The following FLYWCH1 variants were observed in gnomAD, a reference collection of about 807,000 sequenced individuals.
FLYWCH1 encodes the protein FLYWCH-type zinc finger 1, also known as FLYWCH-type zinc finger-containing protein 1.
FLYWCH1 carries 75 observed loss-of-function variants against 66.4 expected under a neutral mutation model. The observed-to-expected ratio is 1.13, with a 90% CI of 0.94 to 1.37. FLYWCH1 has a LOEUF of 1.37. Among genes scored for constraint, FLYWCH1 ranks in the 40% most tolerant of loss-of-function variants. FLYWCH1 has a pLI of 0.00. For synonymous variants in FLYWCH1, 595 were observed against 429.9 expected (o/e 1.38, Z -4.75); for missense variants, 1,334 against 1,001.8 (o/e 1.33, Z -4.48).
intron 2 of FLYWCH1, among the ~76,000 whole-genome samples, chr16:2,917,541 C>A (rs9302805): frequency 0.86 from 130,936 of 151,846 alleles, 56,786 homozygotes; most frequent in Non-Finnish European, 0.9. Flanking sequence ...TAATGATTTT[C>A]TGTGACATTA....
intron 2 of FLYWCH1, among the ~76,000 whole-genome samples, chr16:2,917,083 A>C (rs979053411): frequency 8.7e-5 from 13 of 149,942 alleles, no homozygotes; most frequent in African/African-American, 2.7e-4. Flanking sequence ...TTGAAACCAG[A>C]AGGCAGAAGT....
At chr16:2,914,974 AG>A (rs1220196084) in intron 2 of FLYWCH1, among the ~76,000 whole-genome samples, 2 of 151,034 alleles carry the variant, frequency 1.3e-5, no homozygotes, top group African/African-American at 4.9e-5. Flanking sequence ...GAAACACATT[AG>A]GGCCCCTGTA....
chr16:2,934,549 C>T (rs924773013), intron 6 of FLYWCH1: 7 of 437,024 alleles, frequency 1.6e-5, no homozygotes, highest in Non-Finnish European at 2.3e-5. Context: ...GTCCCCATAG[C>T]GTCTGGCTGA....
intron 2 of FLYWCH1, among the ~76,000 whole-genome samples, chr16:2,914,492 C>T (rs1405846295): frequency 1.3e-5 from 2 of 152,210 alleles, no homozygotes; most frequent in Non-Finnish European, 2.9e-5. Context: ...TTGCTCCGCA[C>T]CCTCAATTCT....
chr16:2,924,009 C>T (rs1249950384), intron 2 of FLYWCH1, among the ~76,000 whole-genome samples: 1 of 152,088 alleles, frequency 6.6e-6, no homozygotes, highest in African/African-American at 2.4e-5. Flanking sequence ...TGCACTTAGC[C>T]TGGGCAACAG....
At chr16:2,929,247 A>G (rs2070675188) in intron 2 of FLYWCH1, among the ~76,000 whole-genome samples, 1 of 152,200 alleles carries the variant, frequency 6.6e-6, no homozygotes, top group African/African-American at 2.4e-5. Flanking sequence ...AACTGGGTCA[A>G]TAAGAACGTT....
chr16:2,931,019 A>C, intron 4 of FLYWCH1, 139 bp downstream of exon 4: 18 of 734,892 alleles, frequency 2.4e-5, no homozygotes, highest in East Asian at 8.5e-5. Flanking sequence ...AAAAATATAA[A>C]TGTGGCCGGG....
rs754729131 is a variant in FLYWCH1, at chr16:2,948,878, C to T, written c.*151C>T. Reference sequence around the variant, plus strand: ...TCTTCGCGTCTCCTCAGGAGGTCTCCCAGGAGGAATTCTTGGATGGTGTCC... The same window carrying T: ...TCTTCGCGTCTCCTCAGGAGGTCTCTCAGGAGGAATTCTTGGATGGTGTCC... On this transcript the variant is annotated 3_prime_UTR_variant, in exon 10 of 10. Transcript: ENST00000253928. The T allele has an allele frequency of 1.5e-6, 1 of 655,938 alleles. No homozygotes were observed. Among genetic ancestry groups the T allele is most frequent in the Non-Finnish European group, 2.6e-6 (1 of 377,540 alleles). The allele number at this position is 655,938 out of a possible 1,614,324, so 40.6% of individuals were successfully genotyped here. A position where few individuals can be genotyped will look rare whatever the true frequency, so the allele number is the denominator to read the frequency against.
chr16:2,933,064 C>T (rs1009676901), intron 4 of FLYWCH1, 66 bp from the exon 5 acceptor site: 3 of 1,378,826 alleles, frequency 2.2e-6, no homozygotes, highest in Non-Finnish European at 3.0e-6. Context: ...CCACAGTCTG[C>T]AGGGGCTGTC....
chr16:2,918,272 C>G (rs545442411), intron 2 of FLYWCH1, among the ~76,000 whole-genome samples: 1 of 149,396 alleles, frequency 6.7e-6, no homozygotes, highest in East Asian at 2.0e-4. Context: ...CTCAGCCTCC[C>G]GAGTAGCTGG....
rs1057007509 is a variant in FLYWCH1 at position 2,912,393 on chromosome 16, C to T, written c.-188+239C>T. Among the ~76,000 whole-genome samples, 9 of 151,510 alleles carry T rather than the reference C, an allele frequency of 5.9e-5. No homozygotes were observed. In the South Asian group the frequency reaches 1.0e-3, roughly 18 times the overall value. ...CCCCCACATCAAGGATCCCCGCACT[C>T]GTCCGCCGTTTCCTGGCGGTGTCTG... On this transcript the variant is annotated intron_variant, in intron 1 of 9. Coordinates refer to ENST00000253928, the MANE Select transcript of FLYWCH1 (RefSeq NM_001308068.2).
chr16:2,918,054 GT>G (rs2150891993), intron 2 of FLYWCH1, among the ~76,000 whole-genome samples: 2 of 151,518 alleles, frequency 1.3e-5, no homozygotes, highest in African/African-American at 4.8e-5. Flanking sequence ...GGCCGGGCTT[GT>G]CTTGAACTCC....
At chr16:2,926,508 A>G (rs952644623) in intron 2 of FLYWCH1, among the ~76,000 whole-genome samples, 7 of 152,238 alleles carry the variant, frequency 4.6e-5, no homozygotes, top group Admixed American at 1.3e-4. Flanking sequence ...CGCTCGGTCA[A>G]TGCAAAATGT....
At chr16:2,926,892 A>C (rs2070586291) in intron 2 of FLYWCH1, among the ~76,000 whole-genome samples, 1 of 152,250 alleles carries the variant, frequency 6.6e-6, no homozygotes, top group Admixed American at 6.5e-5. Flanking sequence ...GTAACATTAC[A>C]ACCTCAAATG....
At chr16:2,914,856 A>T (rs12926511) in intron 2 of FLYWCH1, among the ~76,000 whole-genome samples, 82,658 of 148,852 alleles carry the variant, frequency 0.56, 23,192 homozygotes, top group Middle Eastern at 0.62. Flanking sequence ...TTGCAGTGAG[A>T]CAGGATCGAG....
At chr16:2,929,541 C>G in intron 2 of FLYWCH1, 72 bp from the exon 3 acceptor site, 1 of 1,110,138 alleles carries the variant, frequency 9.0e-7, no homozygotes, top group African/African-American at 1.6e-5. Flanking sequence ...TCTGCCCCAC[C>G]TCCCTCCCAG....
chr16:2,914,733 T>C (rs2070107862), intron 2 of FLYWCH1, among the ~76,000 whole-genome samples: 1 of 151,930 alleles, frequency 6.6e-6, no homozygotes, highest in African/African-American at 2.4e-5. Flanking sequence ...ACCCTGTCTA[T>C]ACTAAAAATA....
intron 9 of FLYWCH1, among the ~76,000 whole-genome samples, chr16:2,945,435 G>A (rs1381846459): frequency 2.1e-5 from 3 of 139,634 alleles, no homozygotes; most frequent in Non-Finnish European, 3.0e-5. Context: ...GCAGTGAGCC[G>A]ACATTCATGC....
chr16:2,949,233 G>C lies in FLYWCH1; in HGVS notation c.*506G>C, dbSNP rs2071605213. 1.3e-5 allele frequency: 2 copies of C among 153,964 alleles called. No homozygotes were observed. Among genetic ancestry groups the C allele is most frequent in the South Asian group, 2.0e-4 (1 of 4,974 alleles). The allele number at this position is 153,964 out of a possible 1,614,324, so 9.5% of individuals were successfully genotyped here. On this transcript the variant is annotated 3_prime_UTR_variant, in exon 10 of 10. Transcript: ENST00000253928. ...CACCAATCTCTTCTGGACAGGTGCT[G>C]GGTAGGCCTTCCTGGTCTCTGGCCG...
Sources: allele counts gnomAD v4.1 joint callset (sites outside exome capture counted in the v4.1 genomes callset), GRCh38; gene constraint gnomAD v4.1.1; transcripts MANE v1.5; gene names NCBI Gene and HGNC (gene_info 2026-07-23, HGNC 2026-07-21).